The following CNBD1 variants were observed in gnomAD, a reference collection of about 807,000 sequenced individuals.
CNBD1 encodes cyclic nucleotide binding domain containing 1, also known as cyclic nucleotide-binding domain-containing protein 1.
In CNBD1, 71 loss-of-function variants were observed where a neutral mutation model predicts 54.4. The ratio of observed to expected loss-of-function variants is 1.30; its 90% CI spans 1.08 to 1.59. The LOEUF (loss-of-function observed/expected upper bound fraction) is 1.59, where lower values mean the gene tolerates loss of function less well. CNBD1 is among the 40% of genes most tolerant of loss of function. CNBD1 has a pLI of 0.00. For synonymous variants in CNBD1, 182 were observed against 170.7 expected (o/e 1.07, Z -0.51); for missense variants, 659 against 518.0 (o/e 1.27, Z -2.64).
At chr8:87,041,205 G>A (rs540183605) in intron 4 of CNBD1, among the ~76,000 whole-genome samples, 2 of 152,202 alleles carry the variant, frequency 1.3e-5, no homozygotes, top group Non-Finnish European at 2.9e-5. Flanking sequence ...AAAGATAAAC[G>A]GTTAGGGAAT....
intron 4 of CNBD1, among the ~76,000 whole-genome samples, chr8:87,191,503 C>A (rs909505979): frequency 6.6e-6 from 1 of 152,132 alleles, no homozygotes; most frequent in Non-Finnish European, 1.5e-5. Flanking sequence ...CTAGGCATTG[C>A]TCGATGCAGT....
At chr8:86,914,711 T>C (rs1026749364) in intron 3 of CNBD1, among the ~76,000 whole-genome samples, 2 of 151,874 alleles carry the variant, frequency 1.3e-5, no homozygotes, top group South Asian at 4.2e-4. Flanking sequence ...AAATCTTGAA[T>C]GATATCTACC....
chr8:87,390,468 C>T (rs1404129308), intron 2 of CNBD1, among the ~76,000 whole-genome samples: 1 of 152,150 alleles, frequency 6.6e-6, no homozygotes, highest in African/African-American at 2.4e-5. Flanking sequence ...GACATTTATG[C>T]AGCCAAAAGA....
intron 8 of CNBD1, among the ~76,000 whole-genome samples, chr8:87,342,537 A>T (rs1391643486): frequency 1.1e-4 from 17 of 152,082 alleles, no homozygotes; most frequent in Admixed American, 8.5e-4. Context: ...CTATTGGGGG[A>T]ACCAGCCCCC....
intron 2 of CNBD1, among the ~76,000 whole-genome samples, chr8:87,423,272 TCTC>T (rs915080074): frequency 1.3e-5 from 2 of 150,880 alleles, no homozygotes; most frequent in African/African-American, 4.9e-5. Context: ...TTTATTTCCT[TCTC>T]CTGCCTAATT....
At chr8:86,954,081 A>G (rs1454712114) in intron 4 of CNBD1, among the ~76,000 whole-genome samples, 2 of 152,176 alleles carry the variant, frequency 1.3e-5, no homozygotes, top group African/African-American at 2.4e-5. Context: ...TATTCACTAA[A>G]AGGGAAGACT....
At chr8:86,905,725 G>A (rs1186034036) in intron 3 of CNBD1, among the ~76,000 whole-genome samples, 1 of 152,150 alleles carries the variant, frequency 6.6e-6, no homozygotes, top group Non-Finnish European at 1.5e-5. Context: ...AGGTGTAACT[G>A]CCCTCTCAGT....
downstream of CNBD1, among the ~76,000 whole-genome samples, chr8:87,383,208 A>C (rs1284272834): frequency 2.0e-5 from 3 of 152,104 alleles, no homozygotes; most frequent in African/African-American, 7.2e-5. Context: ...TATGGAGAAT[A>C]TCAGTTAATT....
chr8:87,267,006 AT>A (rs996788798), intron 6 of CNBD1, among the ~76,000 whole-genome samples: 1 of 152,132 alleles, frequency 6.6e-6, no homozygotes, highest in Non-Finnish European at 1.5e-5. Context: ...AGGAAACTAT[AT>A]TGATACCTGT....
intron 3 of CNBD1, among the ~76,000 whole-genome samples, chr8:86,915,543 G>A (rs979760784): frequency 6.6e-6 from 1 of 152,164 alleles, no homozygotes; most frequent in Admixed American, 6.6e-5. Flanking sequence ...CCCATGCCCA[G>A]GAACAATTAA....
chr8:87,394,661 A>G (rs923160606), intron 2 of CNBD1, among the ~76,000 whole-genome samples: 1 of 151,952 alleles, frequency 6.6e-6, no homozygotes, highest in Non-Finnish European at 1.5e-5. Flanking sequence ...AAGATTGTAA[A>G]ATACCTGTTT....
intron 4 of CNBD1, among the ~76,000 whole-genome samples, chr8:87,099,034 C>CAAAAAAAAAAAA (rs11402011): frequency 3.9e-4 from 9 of 23,062 alleles, no homozygotes; most frequent in African/African-American, 1.3e-3. Context: ...GACTGTGTCT[C>CAAAAAAAAAAAA]AAAAAAAAAA....
Position 87,277,883 on chromosome 8 carries a change from A to C in CNBD1, c.772-6795A>C, listed in dbSNP as rs192350069. Among the ~76,000 whole-genome samples, 358 of 151,856 alleles carry C rather than the reference A, an allele frequency of 2.4e-3. 2 individuals carry two copies. Among genetic ancestry groups the C allele is most frequent in the African/African-American group, 7.3e-3 (304 of 41,508 alleles). ...GACAACATTTTTTATAAACAATAAA[A>C]AATCAGTAGAAACAAACACACAGGT... is the stretch of plus-strand genomic sequence containing the variant. On this transcript the variant is annotated intron_variant, in intron 6 of 10. Transcript: ENST00000518476.
intron 4 of CNBD1, among the ~76,000 whole-genome samples, chr8:87,072,818 G>A (rs1331084532): frequency 6.6e-6 from 1 of 151,530 alleles, no homozygotes; most frequent in East Asian, 1.9e-4. Flanking sequence ...GATCTTACTG[G>A]GATTATCTGC....
intron 3 of CNBD1, among the ~76,000 whole-genome samples, chr8:86,926,987 T>C (rs1043734927): frequency 6.6e-5 from 10 of 152,130 alleles, no homozygotes; most frequent in Non-Finnish European, 1.3e-4. Flanking sequence ...AATGTCAATG[T>C]TGGGACTTAG....
chr8:87,420,367 T>C (rs573990541), intron 2 of CNBD1, among the ~76,000 whole-genome samples: 5 of 152,204 alleles, frequency 3.3e-5, no homozygotes, highest in Admixed American at 3.3e-4. Flanking sequence ...TCCTGAGGTC[T>C]CTCGGAAGGT....
At chr8:87,140,784 A>G (rs540606532) in intron 4 of CNBD1, among the ~76,000 whole-genome samples, 1 of 152,274 alleles carries the variant, frequency 6.6e-6, no homozygotes, top group Admixed American at 6.5e-5. Flanking sequence ...AATAAGAAAA[A>G]AAGTTTATCA....
At chr8:87,425,901 G>A (rs900547186) in intron 2 of CNBD1, among the ~76,000 whole-genome samples, 1 of 152,100 alleles carries the variant, frequency 6.6e-6, no homozygotes, top group Non-Finnish European at 1.5e-5. Context: ...GGCAATGGCG[G>A]GCGCCCCTCC....
chr8:86,874,014 G>A (rs372406068), intron 1 of CNBD1, among the ~76,000 whole-genome samples: 4 of 152,202 alleles, frequency 2.6e-5, no homozygotes, highest in South Asian at 4.1e-4. Flanking sequence ...ATTCAAATTT[G>A]GTCAGTTGTT....
Sources: allele counts gnomAD v4.1 joint callset (sites outside exome capture counted in the v4.1 genomes callset), GRCh38; gene constraint gnomAD v4.1.1; transcripts MANE v1.5; gene names NCBI Gene and HGNC (gene_info 2026-07-23, HGNC 2026-07-21).